Variants in MYO1E observed in about 807,000 individuals in gnomAD.
The protein encoded by MYO1E is myosin IE.
In MYO1E, 68 loss-of-function variants were observed where a neutral mutation model predicts 151.1. The observed-to-expected ratio is 0.45, with a 90% CI of 0.37 to 0.55. The LOEUF (loss-of-function observed/expected upper bound fraction) is 0.55, where lower values mean the gene tolerates loss of function less well. MYO1E is among the 20% of genes least tolerant of loss of function. MYO1E has a pLI of 0.00. For missense variants in MYO1E, 1,363 were observed against 1,389.3 expected (o/e 0.98, Z 0.30); for synonymous variants, 601 against 501.7 (o/e 1.20, Z -2.64).
chr15:59,278,088 GT>G (rs1400375484), intron 1 of MYO1E, among the ~76,000 whole-genome samples: 2 of 152,198 alleles, frequency 1.3e-5, no homozygotes, highest in African/African-American at 2.4e-5. Context: ...GGCTCTCAAA[GT>G]CAAAAGCCAG....
rs1321098991 is a variant in MYO1E at position 59,149,771 on chromosome 15, T to C, written c.3080+3819A>G. 2.0e-5 allele frequency among the ~76,000 whole-genome samples: 3 copies of C among 152,314 alleles called. No homozygotes were observed. In the East Asian group the frequency reaches 5.8e-4, roughly 29 times the overall value. ...AGGAAGGAAAGATAAACTCAGAATG[T>C]GAAAGCCAGGAAAGAAAGACCATAG... is the stretch of plus-strand genomic sequence containing the variant. On this transcript the variant is annotated intron_variant, in intron 26 of 27. Transcript: ENST00000288235.
intron 26 of MYO1E, among the ~76,000 whole-genome samples, chr15:59,139,331 CA>C (rs59504882): frequency 1.4e-5 from 2 of 141,618 alleles, no homozygotes; most frequent in Admixed American, 1.6e-4. Context: ...ACTTCCCTCC[CA>C]ACCCCTCATT....
rs1344825844 is a variant in MYO1E at position 59,136,118 on chromosome 15, C to G, written c.*1262G>C. 1 of 152,536 alleles carries G rather than the reference C, an allele frequency of 6.6e-6. No homozygotes were observed. The highest frequency in any genetic ancestry group is 2.4e-5 in the African/African-American group (1 of 41,426). The allele number at this position is 152,536 out of a possible 1,614,324, so 9.4% of individuals were successfully genotyped here. A position where few individuals can be genotyped will look rare whatever the true frequency, so the allele number is the denominator to read the frequency against. On this transcript the variant is annotated 3_prime_UTR_variant, in exon 28 of 28. Transcript: ENST00000288235. ...TTGTGAATGGCTGTCTTCTCCCTGC[C>G]TTTTCACATGGTCTTTCCTCTGGCA... is the stretch of plus-strand genomic sequence containing the variant.
intron 7 of MYO1E, among the ~76,000 whole-genome samples, chr15:59,226,669 T>A (rs2079993475): frequency 6.6e-6 from 1 of 152,056 alleles, no homozygotes; most frequent in South Asian, 2.1e-4. Context: ...TAGCCAGGTG[T>A]GGTGGCATGT....
intron 1 of MYO1E, among the ~76,000 whole-genome samples, chr15:59,308,284 C>T (rs2080527872): frequency 6.6e-6 from 1 of 150,458 alleles, no homozygotes; most frequent in African/African-American, 2.4e-5. Context: ...ACCTGTAATC[C>T]CAGCACTTTG....
chr15:59,356,797 A>G (rs8024906), intron 1 of MYO1E, among the ~76,000 whole-genome samples: 24,142 of 151,838 alleles, frequency 0.16, 2,193 homozygotes, highest in East Asian at 0.29. Context: ...CTGAACTCCT[A>G]AGCTCAAGGG....
At chr15:59,138,127 C>T (rs2079384444) in intron 27 of MYO1E, 71 bp downstream of exon 27, 1 of 1,569,530 alleles carries the variant, frequency 6.4e-7, no homozygotes, top group Non-Finnish European at 8.8e-7. Flanking sequence ...TTCATTTTCA[C>T]ACTAGATCTT....
intron 4 of MYO1E, among the ~76,000 whole-genome samples, chr15:59,255,033 C>CA (rs2080186135): frequency 6.6e-6 from 1 of 152,070 alleles, no homozygotes; most frequent in Admixed American, 6.6e-5. Flanking sequence ...CCCATGTTGC[C>CA]AAGGCTGGTC....
Position 59,222,343 on chromosome 15 carries a change from G to C in MYO1E, c.910+716C>G, listed in dbSNP as rs547132730. Among the ~76,000 whole-genome samples, 5 of 152,308 alleles carry C rather than the reference G, an allele frequency of 3.3e-5. No individual in the cohort carries two copies. The South Asian group carries it at 1.0e-3, about 32-fold the overall frequency. On this transcript the variant is annotated intron_variant, in intron 9 of 27. Transcript: ENST00000288235. ...GGGTTCTGAGAGCAGCCTGCAAGCT[G>C]TTGATGCCTAAGAGGCTAAAGTCAT...
intron 4 of MYO1E, among the ~76,000 whole-genome samples, chr15:59,252,096 A>G (rs2080168297): frequency 6.6e-6 from 1 of 152,238 alleles, no homozygotes; most frequent in Admixed American, 6.5e-5. Context: ...AAAAATTAAA[A>G]TCAAAGAAAT....
intron 1 of MYO1E, among the ~76,000 whole-genome samples, chr15:59,277,572 AAC>A (rs1306629989): frequency 7.2e-4 from 43 of 59,336 alleles, no homozygotes; most frequent in African/African-American, 1.6e-3. Flanking sequence ...AAAAAAAAAA[AAC>A]ATCAAAGCCT....
intron 1 of MYO1E, among the ~76,000 whole-genome samples, chr15:59,317,717 A>G (rs1490245548): frequency 3.9e-5 from 6 of 152,218 alleles, no homozygotes; most frequent in Admixed American, 3.9e-4. Flanking sequence ...ATTTAGGAGA[A>G]CAAATTTTCT....
chr15:59,236,969 T>C (rs1428886550), intron 4 of MYO1E, among the ~76,000 whole-genome samples: 3 of 152,172 alleles, frequency 2.0e-5, no homozygotes, highest in Non-Finnish European at 4.4e-5. Flanking sequence ...AGGAAAATTA[T>C]GGAGTATCAC....
chr15:59,173,806 C>G lies in MYO1E; in HGVS notation c.2274G>C (p.Val758=). 6.2e-7 allele frequency: 1 copy of G among 1,614,042 alleles called. No individual in the cohort carries two copies. The highest frequency in any genetic ancestry group is 8.5e-7 in the Non-Finnish European group (1 of 1,179,948). ...CGAAATCAATCTTCTCCCTCTTGCC[C>G]ACGAACTGCTGGAGTTCTGGGTGCT... ...MEEHPELQQF[V]GKREKIDFAD... The change falls in exon 21 of 28, where the codon GTG becomes GTC. Residue 758 remains valine, a synonymous_variant. Coordinates refer to ENST00000288235, the MANE Select transcript of MYO1E (RefSeq NM_004998.4).
chr15:59,233,350 G>A (rs904250573), intron 5 of MYO1E, among the ~76,000 whole-genome samples: 4 of 152,146 alleles, frequency 2.6e-5, no homozygotes, highest in Non-Finnish European at 5.9e-5. Flanking sequence ...AGGGAAAAGA[G>A]AAAGAGCAAA....
In MYO1E at chr15:59,202,311, T is replaced by C. The variant is rs778020580; in HGVS notation, c.1698+15A>G. 1 of 1,610,004 alleles carries C rather than the reference T, an allele frequency of 6.2e-7. No individual in the cohort carries two copies. Among genetic ancestry groups the C allele is most frequent in the Admixed American group, 1.7e-5 (1 of 60,014 alleles). On this transcript the variant is annotated intron_variant, in intron 16 of 27. Coordinates refer to ENST00000288235, the MANE Select transcript of MYO1E (RefSeq NM_004998.4). ...CCCTTATAAGAATCTATAAACTTCCTAAAATAGAACTAACCTTTATTTTGC... is the reference window on the plus strand; with the variant it reads ...CCCTTATAAGAATCTATAAACTTCCCAAAATAGAACTAACCTTTATTTTGC...
intron 15 of MYO1E, among the ~76,000 whole-genome samples, chr15:59,202,708 G>A (rs1489013826): frequency 2.6e-5 from 4 of 152,298 alleles, no homozygotes; most frequent in African/African-American, 7.2e-5. Flanking sequence ...TATCTTGACA[G>A]AACATAACAG....
rs756707530 is a variant in MYO1E at position 59,372,623 on chromosome 15, C to T, written c.-123G>A. The T allele has an allele frequency of 1.5e-6, 2 of 1,294,090 alleles. No individual in the cohort carries two copies. The highest frequency in any genetic ancestry group is 2.1e-6 in the Non-Finnish European group (2 of 944,114). The allele number at this position is 1,294,090 out of a possible 1,614,324, so 80.2% of individuals were successfully genotyped here. A position where few individuals can be genotyped will look rare whatever the true frequency, so the allele number is the denominator to read the frequency against. Reference sequence around the variant, plus strand: ...CTCGCCAAAAACAGGCTCCCGACACCCAAGCACTCACAGGAGCCAATGGGA... The same window carrying T: ...CTCGCCAAAAACAGGCTCCCGACACTCAAGCACTCACAGGAGCCAATGGGA... On this transcript the variant is annotated 5_prime_UTR_variant, in exon 1 of 28. Coordinates refer to ENST00000288235, the MANE Select transcript of MYO1E (RefSeq NM_004998.4).
rs2079370391 is a variant in MYO1E, at chr15:59,136,003, C to G, written c.*1377G>C. 6.6e-6 allele frequency: 1 copy of G among 152,274 alleles called. No individual in the cohort carries two copies. Among genetic ancestry groups the G allele is most frequent in the African/African-American group, 2.4e-5 (1 of 41,446 alleles). 9.4% of individuals were successfully genotyped at this position (152,274 alleles called of 1,614,324 possible). A position where few individuals can be genotyped will look rare whatever the true frequency, so the allele number is the denominator to read the frequency against. ...CAGCGAAATGTATTGCCTCACAGTT[C>G]TGGAGGTTGGAAGTCCAAGACCAAG... On this transcript the variant is annotated 3_prime_UTR_variant, in exon 28 of 28. Transcript: ENST00000288235.
Sources: gnomAD v4.1 joint callset for allele counts (sites outside exome capture counted in the v4.1 genomes callset) on GRCh38, gnomAD v4.1.1 for gene constraint, MANE v1.5 for transcripts, NCBI Gene and HGNC (gene_info 2026-07-23, HGNC 2026-07-21) for gene names.